Variants in GRID1 observed in about 807,000 individuals in gnomAD.
The protein encoded by GRID1 is glutamate ionotropic receptor delta type subunit 1.
In GRID1, 28 loss-of-function variants were observed where a neutral mutation model predicts 98.0. The observed-to-expected ratio is 0.29, with a 90% CI of 0.21 to 0.39. The LOEUF is 0.39. Ranked by LOEUF, GRID1 falls within the 10% of genes least tolerant of loss-of-function variation. The probability of loss-of-function intolerance (pLI) is 1.00; values close to 1 mark genes in which losing one functional copy is unlikely to be tolerated. For missense variants in GRID1, 1,111 were observed against 1,340.5 expected (o/e 0.83, Z 2.67); for synonymous variants, 553 against 538.5 (o/e 1.03, Z -0.37).
intron 2 of GRID1, among the ~76,000 whole-genome samples, chr10:86,299,343 T>TTTA (rs397951591): frequency 4.0e-5 from 6 of 151,442 alleles, no homozygotes; most frequent in Admixed American, 6.6e-5. Context: ...TTTTTTTTTT[T>TTTA]ATCATTATAC....
chr10:85,985,290 A>G (rs1842595333), intron 4 of GRID1, among the ~76,000 whole-genome samples: 1 of 152,174 alleles, frequency 6.6e-6, no homozygotes, highest in African/African-American at 2.4e-5. Context: ...AGCCATATTC[A>G]TGTTTGAGCC....
rs146211863 is a variant in GRID1, at chr10:86,304,328, ACTC to A, written c.235+59610_235+59612del. On this transcript the variant is annotated intron_variant, in intron 2 of 15. Coordinates refer to ENST00000327946, the MANE Select transcript of GRID1 (RefSeq NM_017551.3). ...TTGAGAAAGACATCTGGCAGAGGGG[ACTC>A]CTCCTCTTCCTGCCCCTGGACACAT... Among the ~76,000 whole-genome samples, 529 of 151,548 alleles carry A rather than the reference ACTC, an allele frequency of 3.5e-3. 2 individuals are homozygous for A. Among genetic ancestry groups the A allele is most frequent in the African/African-American group, 0.012 (507 of 41,304 alleles).
intron 8 of GRID1, among the ~76,000 whole-genome samples, chr10:85,737,645 G>GATATATATATAT (rs66947723): frequency 3.1e-4 from 30 of 95,676 alleles, no homozygotes; most frequent in Admixed American, 1.1e-3. Flanking sequence ...AGTAAAGCCA[G>GATATATATATAT]ATATATATAT....
At chr10:86,111,150 T>G (rs957707160) in intron 4 of GRID1, among the ~76,000 whole-genome samples, 2 of 152,170 alleles carry the variant, frequency 1.3e-5, no homozygotes, top group African/African-American at 4.8e-5. Context: ...TTCAAGAACA[T>G]GAAGGTGATA....
chr10:85,886,568 T>C (rs1841120868), intron 5 of GRID1, among the ~76,000 whole-genome samples: 1 of 152,148 alleles, frequency 6.6e-6, no homozygotes, highest in East Asian at 1.9e-4. Context: ...GATGGACATG[T>C]GGGTGTTTGT....
intron 12 of GRID1, among the ~76,000 whole-genome samples, chr10:85,684,275 A>G: frequency 6.6e-6 from 1 of 152,236 alleles, no homozygotes; most frequent in Non-Finnish European, 1.5e-5. Flanking sequence ...CACTATCATA[A>G]CTTTCATAAC....
chr10:85,769,359 T>C (rs1467716927), intron 8 of GRID1, among the ~76,000 whole-genome samples: 1 of 152,138 alleles, frequency 6.6e-6, no homozygotes, highest in Non-Finnish European at 1.5e-5. Flanking sequence ...GATGGCTGAA[T>C]AGGAACAGCT....
At chr10:86,166,290 A>C (rs996624667) in intron 3 of GRID1, among the ~76,000 whole-genome samples, 1 of 152,200 alleles carries the variant, frequency 6.6e-6, no homozygotes, top group Non-Finnish European at 1.5e-5. Context: ...AAATTTTTAC[A>C]ATCTACCCAT....
intron 4 of GRID1, among the ~76,000 whole-genome samples, chr10:86,039,702 A>G (rs1012722573): frequency 2.0e-5 from 3 of 152,204 alleles, no homozygotes; most frequent in African/African-American, 7.2e-5. Context: ...CTACAGACCA[A>G]CTGTCTCAAC....
intron 5 of GRID1, among the ~76,000 whole-genome samples, chr10:85,887,525 C>A (rs12266011): frequency 3.9e-5 from 6 of 152,136 alleles, no homozygotes; most frequent in Non-Finnish European, 7.3e-5. Context: ...TCAGGCCCCA[C>A]CCTAAACCTA....
intron 4 of GRID1, among the ~76,000 whole-genome samples, chr10:86,115,376 T>C (rs944329875): frequency 3.3e-5 from 5 of 152,168 alleles, no homozygotes; most frequent in Admixed American, 6.5e-5. Context: ...AATGAATGAA[T>C]GAACAGATGA....
At chr10:86,346,407 T>A (rs954445179) in intron 2 of GRID1, among the ~76,000 whole-genome samples, 2 of 152,180 alleles carry the variant, frequency 1.3e-5, no homozygotes, top group African/African-American at 4.8e-5. Flanking sequence ...TGCCCAGGCC[T>A]GTGTTTGGAG....
chr10:85,902,372 C>T (rs559500090), intron 5 of GRID1, among the ~76,000 whole-genome samples: 262 of 152,264 alleles, frequency 1.7e-3, no homozygotes, highest in Non-Finnish European at 2.8e-3. Context: ...GATTGAAAAA[C>T]GTATAAATTA....
intron 4 of GRID1, among the ~76,000 whole-genome samples, chr10:86,041,689 T>C (rs920560085): frequency 6.6e-6 from 1 of 152,158 alleles, no homozygotes; most frequent in African/African-American, 2.4e-5. Context: ...ATCTGTAAAA[T>C]CTGTTGTGTC....
intron 8 of GRID1, among the ~76,000 whole-genome samples, chr10:85,800,415 G>A (rs1842565207): frequency 6.6e-6 from 1 of 151,766 alleles, no homozygotes; most frequent in Non-Finnish European, 1.5e-5. Context: ...AAAAACATAA[G>A]ATATTGTTAC....
At chr10:85,668,310 C>T (rs990456627) in intron 12 of GRID1, among the ~76,000 whole-genome samples, 7 of 152,182 alleles carry the variant, frequency 4.6e-5, no homozygotes, top group Non-Finnish European at 8.8e-5. Flanking sequence ...GTGCCTCTGA[C>T]TCTGTGTGTG....
chr10:85,896,609 G>A (rs971485514), intron 5 of GRID1, among the ~76,000 whole-genome samples: 3 of 152,212 alleles, frequency 2.0e-5, no homozygotes, highest in African/African-American at 4.8e-5. Context: ...AGAAGTAGAC[G>A]TGATGATCAA....
At chr10:85,973,319 A>T (rs1842431062) in intron 4 of GRID1, among the ~76,000 whole-genome samples, 1 of 152,096 alleles carries the variant, frequency 6.6e-6, no homozygotes, top group African/African-American at 2.4e-5. Context: ...ACCACTTTAA[A>T]ATTTAGAGTG....
At chr10:86,093,257 C>G (rs74427107) in intron 4 of GRID1, among the ~76,000 whole-genome samples, 8,160 of 152,046 alleles carry the variant, frequency 0.054, 489 homozygotes, top group African/African-American at 0.14. Context: ...GTTCATAGCC[C>G]TTAATGCCTA....
Sources: gnomAD v4.1 joint callset for allele counts (sites outside exome capture counted in the v4.1 genomes callset) on GRCh38, gnomAD v4.1.1 for gene constraint, MANE v1.5 for transcripts, NCBI Gene and HGNC (gene_info 2026-07-23, HGNC 2026-07-21) for gene names.